Variants in PPP4R1 observed in about 807,000 individuals in gnomAD.
The protein encoded by PPP4R1 is serine/threonine-protein phosphatase 4 regulatory subunit 1.
PPP4R1 carries 42 observed loss-of-function variants against 111.2 expected under a neutral mutation model. The ratio of observed to expected loss-of-function variants is 0.38; its 90% confidence interval spans 0.29 to 0.49. The LOEUF is 0.49. PPP4R1 is among the 20% of genes least tolerant of loss of function. PPP4R1 has a pLI of 0.97. For synonymous variants in PPP4R1, 409 were observed against 405.5 expected, an observed-to-expected ratio of 1.01 and a Z score of -0.10; for missense variants, 1,012 against 1,161.6, an observed-to-expected ratio of 0.87 and a Z score of 1.87.
chr18:9,585,743 T>C (rs542229615), intron 6 of PPP4R1, among the ~76,000 whole-genome samples: 1 of 152,128 alleles, frequency 6.6e-6, no homozygotes, highest in Admixed American at 6.5e-5. Flanking sequence ...AAATTAGCAA[T>C]GAACAATGAA....
intron 10 of PPP4R1, among the ~76,000 whole-genome samples, chr18:9,574,941 A>G (rs2066914964): frequency 6.6e-6 from 1 of 152,238 alleles, no homozygotes; most frequent in African/African-American, 2.4e-5. Context: ...TACTTTTAAA[A>G]TGCAGATTTG....
At chr18:9,585,054 A>T (rs1336735459) in intron 6 of PPP4R1, among the ~76,000 whole-genome samples, 1 of 152,164 alleles carries the variant, frequency 6.6e-6, no homozygotes, top group Non-Finnish European at 1.5e-5. Context: ...CAACCAATAA[A>T]TACTGCATGC....
chr18:9,556,266 CA>C (rs2066583093), intron 15 of PPP4R1, among the ~76,000 whole-genome samples: 1 of 151,624 alleles, frequency 6.6e-6, no homozygotes, highest in Non-Finnish European at 1.5e-5. Context: ...GATCTTGGCT[CA>C]CTGCAACCTC....
intron 9 of PPP4R1, among the ~76,000 whole-genome samples, chr18:9,579,298 T>C (rs1174009923): frequency 6.6e-6 from 1 of 152,146 alleles, no homozygotes; most frequent in Non-Finnish European, 1.5e-5. Flanking sequence ...AAACAACTAA[T>C]GACTTTAAAC....
At chr18:9,570,796 C>T (rs541785121) in intron 10 of PPP4R1, 113 bp from the exon 11 acceptor site, 155 of 1,151,858 alleles carry the variant, frequency 1.3e-4, no homozygotes, top group African/African-American at 1.3e-4. Flanking sequence ...TTAAAAATTA[C>T]GGATTATCTG....
chr18:9,592,368 A>G (rs530483221), intron 4 of PPP4R1, among the ~76,000 whole-genome samples: 35 of 152,260 alleles, frequency 2.3e-4, no homozygotes, highest in Non-Finnish European at 4.6e-4. Context: ...CCTCCTGGGT[A>G]TGCCCTTTTC....
chr18:9,550,291 A>G lies in PPP4R1; in HGVS notation c.2399T>C (p.Ile800Thr). 6.2e-7 allele frequency: 1 copy of G among 1,614,056 alleles called. No homozygotes were observed. Among genetic ancestry groups the G allele is most frequent in the Non-Finnish European group, 8.5e-7 (1 of 1,179,990 alleles). ...CADKVSSVRW[I>T]SYKLVSEMVK... Reference sequence around the variant, plus strand: ...TTCAATACATACCAACTTGTAGGAAATCCAACGAACAGAAGAAACTTTGTC... The same window carrying G: ...TTCAATACATACCAACTTGTAGGAAGTCCAACGAACAGAAGAAACTTTGTC... The change falls in exon 17 of 20, where the codon ATT becomes ACT. Residue 800 changes from isoleucine (I) to threonine (T), a missense_variant. Ile to Thr is a moderately conservative substitution (Grantham distance 89, BLOSUM62 -1). Around this residue, in one of 2 missense-constraint regions of PPP4R1, gnomAD observed 305 missense variants for 419.5 expected, o/e 0.73. Transcript: ENST00000400556.
intron 9 of PPP4R1, among the ~76,000 whole-genome samples, chr18:9,582,288 C>T (rs9945701): frequency 0.2 from 30,154 of 150,996 alleles, 3,315 homozygotes; most frequent in East Asian, 0.49. Context: ...AAACCTTTAG[C>T]AGACTGGCCA....
At chr18:9,559,958 G>A (rs55865941) in intron 13 of PPP4R1, among the ~76,000 whole-genome samples, 1 of 152,148 alleles carries the variant, frequency 6.6e-6, no homozygotes, top group Non-Finnish European at 1.5e-5. Context: ...AGCAAATGCA[G>A]AATAACAGGT....
intron 2 of PPP4R1, among the ~76,000 whole-genome samples, chr18:9,609,155 C>T (rs1186925658): frequency 6.6e-6 from 1 of 152,124 alleles, no homozygotes; most frequent in Non-Finnish European, 1.5e-5. Flanking sequence ...ATTTTAAAAG[C>T]ACTCTTTTCT....
In PPP4R1 at chr18:9,547,712, C is replaced by A; in HGVS notation, c.*77G>T. 6.5e-7 allele frequency: 1 copy of A among 1,549,514 alleles called. No homozygotes were observed. The highest frequency in any genetic ancestry group is 8.8e-7 in the Non-Finnish European group (1 of 1,130,278). On this transcript the variant is annotated 3_prime_UTR_variant, in exon 20 of 20. Coordinates refer to ENST00000400556, the MANE Select transcript of PPP4R1 (RefSeq NM_001042388.3). Reference sequence around the variant, plus strand: ...GGTCTCTCCTCCCCCGAAAGCTATCCCAGGTCACATGCGTGGCGAATGCCC... The same window carrying A: ...GGTCTCTCCTCCCCCGAAAGCTATCACAGGTCACATGCGTGGCGAATGCCC...
chr18:9,558,875 A>AG (rs1267683725), intron 14 of PPP4R1, among the ~76,000 whole-genome samples: 1 of 152,066 alleles, frequency 6.6e-6, no homozygotes, highest in Non-Finnish European at 1.5e-5. Flanking sequence ...ACGTGAAGCA[A>AG]GGGTTTACCT....
chr18:9,614,027 C>A lies in PPP4R1; in HGVS notation c.52+199G>T, dbSNP rs1465687869. The A allele has an allele frequency of 8.9e-6, 3 of 338,788 alleles. No homozygotes were observed. Among genetic ancestry groups the A allele is most frequent in the Non-Finnish European group, 1.5e-5 (3 of 197,136 alleles). The allele number at this position is 338,788 out of a possible 1,614,324, so 21.0% of individuals were successfully genotyped here. A position where few individuals can be genotyped will look rare whatever the true frequency, so the allele number is the denominator to read the frequency against. ...CTTGGGCGTTACTCCGGGCGTCTCCCTCCCCCAGCGGAACCTGGGCGCGCC... is the reference window on the plus strand; with the variant it reads ...CTTGGGCGTTACTCCGGGCGTCTCCATCCCCCAGCGGAACCTGGGCGCGCC... On this transcript the variant is annotated intron_variant, in intron 2 of 19. Coordinates refer to ENST00000400556, the MANE Select transcript of PPP4R1 (RefSeq NM_001042388.3). This position sits in a 1 kb window ranked among gnomAD's most constrained non-coding sequence, Gnocchi z 4.1.
In PPP4R1 at chr18:9,577,895, C is replaced by T. The variant is rs186781993; in HGVS notation, c.919-704G>A. Among the ~76,000 whole-genome samples the T allele has an allele frequency of 1.6e-3, 240 of 152,216 alleles. 1 individual carries two copies. Among genetic ancestry groups the T allele is most frequent in the Admixed American group, 0.014 (214 of 15,294 alleles). ...TAAAGCCAACAAAATGTGATAAATA[C>T]ATTTAATGTTTTCAGGTAGGAAAGA... On this transcript the variant is annotated intron_variant, in intron 9 of 19. Coordinates refer to ENST00000400556, the MANE Select transcript of PPP4R1 (RefSeq NM_001042388.3).
intron 2 of PPP4R1, among the ~76,000 whole-genome samples, chr18:9,612,037 G>A (rs2067590457): frequency 6.6e-6 from 1 of 151,782 alleles, no homozygotes; most frequent in African/African-American, 2.4e-5. Flanking sequence ...ATTTAGTTGC[G>A]AGCATTGGCA....
At chr18:9,603,619 T>G (rs551022008) in intron 2 of PPP4R1, among the ~76,000 whole-genome samples, 1 of 152,178 alleles carries the variant, frequency 6.6e-6, no homozygotes, top group South Asian at 2.1e-4. Flanking sequence ...TAGTTGGGAC[T>G]ACAAGTGCAT....
chr18:9,555,867 T>C (rs898261189), intron 15 of PPP4R1, among the ~76,000 whole-genome samples: 3 of 152,068 alleles, frequency 2.0e-5, no homozygotes, highest in African/African-American at 7.2e-5. Flanking sequence ...CCAGGCATGG[T>C]GGCTCACGCC....
At chr18:9,547,995 G>A (rs369833793) in intron 19 of PPP4R1, 43 bp from the exon 20 acceptor site, 75 of 1,594,668 alleles carry the variant, frequency 4.7e-5, no homozygotes, top group Non-Finnish European at 5.7e-5. Context: ...CCAGTCCAAC[G>A]GAACACTTCA....
In PPP4R1 at chr18:9,547,729, C is replaced by G. The variant is rs547555358; in HGVS notation, c.*60G>C. On this transcript the variant is annotated 3_prime_UTR_variant, in exon 20 of 20. Transcript: ENST00000400556. ...AAGCTATCCCAGGTCACATGCGTGG[C>G]GAATGCCCACTGAACCTCGGCTCTC... is the stretch of plus-strand genomic sequence containing the variant. 2.8e-4 allele frequency: 449 copies of G among 1,585,722 alleles called. No individual in the cohort carries two copies. The African/African-American group carries it at 5.4e-3, about 19-fold the overall frequency.
Sources: gnomAD v4.1 joint callset for allele counts (sites outside exome capture counted in the v4.1 genomes callset) on GRCh38, gnomAD v4.1.1 for gene constraint, gnomAD v4.1.1 regional missense constraint, Gnocchi (gnomAD v3.1) non-coding constraint, MANE v1.5 for transcripts, NCBI Gene and HGNC (gene_info 2026-07-23, HGNC 2026-07-21) for gene names.